EML6: variants seen among roughly 807,000 people sequenced by gnomAD.
The protein encoded by EML6 is echinoderm microtubule-associated protein-like 6.
EML6 carries 154 observed loss-of-function variants against 240.1 expected under a neutral mutation model. The ratio of observed to expected loss-of-function variants is 0.64; its 90% CI spans 0.56 to 0.73. The LOEUF is 0.73. Among genes scored for constraint, EML6 ranks in the 30% least tolerant of loss-of-function variants. EML6 has a pLI of 0.00. For synonymous variants in EML6, 1,148 were observed against 899.0 expected (o/e 1.28, Z -4.95); for missense variants, 2,964 against 2,474.6 (o/e 1.20, Z -4.20).
chr2:54,819,345 G>A (rs1356860371), intron 4 of EML6, among the ~76,000 whole-genome samples: 2 of 152,124 alleles, frequency 1.3e-5, no homozygotes, highest in Non-Finnish European at 2.9e-5. Flanking sequence ...CACTAAATGA[G>A]AGCATCTCAG....
At chr2:54,898,925 GTTA>G (rs1191376202) in intron 21 of EML6, among the ~76,000 whole-genome samples, 5 of 152,120 alleles carry the variant, frequency 3.3e-5, no homozygotes, top group East Asian at 3.8e-4. Context: ...CTTTCTCTTA[GTTA>G]TTATTCTAAG....
chr2:54,848,767 A>G (rs1159215561), intron 9 of EML6, among the ~76,000 whole-genome samples: 1 of 152,200 alleles, frequency 6.6e-6, no homozygotes, highest in Non-Finnish European at 1.5e-5. Flanking sequence ...AACCCCAGTG[A>G]GCTTTCCAGT....
chr2:54,857,633 G>A (rs910533024), intron 11 of EML6, among the ~76,000 whole-genome samples: 6 of 152,162 alleles, frequency 3.9e-5, no homozygotes, highest in Non-Finnish European at 8.8e-5. Context: ...GCTGGAATTG[G>A]GCAGTGCAGT....
At chr2:54,752,483 A>G (rs758330275) in intron 2 of EML6, among the ~76,000 whole-genome samples, 1 of 152,180 alleles carries the variant, frequency 6.6e-6, no homozygotes, top group Non-Finnish European at 1.5e-5. Flanking sequence ...GATAACCACT[A>G]TTCTGACTCC....
At chr2:54,892,806 G>A (rs897446843) in intron 19 of EML6, 150 bp downstream of exon 19, 2 of 606,578 alleles carry the variant, frequency 3.3e-6, no homozygotes, top group African/African-American at 1.9e-5. Context: ...GAGACAATAG[G>A]GAGGAAAGCA....
chr2:54,946,780 C>T (rs567439751), intron 28 of EML6, among the ~76,000 whole-genome samples: 3 of 152,226 alleles, frequency 2.0e-5, no homozygotes, highest in South Asian at 4.1e-4. Flanking sequence ...ACTTAAAATC[C>T]GCTGAATTTG....
intron 28 of EML6, among the ~76,000 whole-genome samples, chr2:54,946,874 A>G (rs1675719120): frequency 6.6e-6 from 1 of 152,082 alleles, no homozygotes; most frequent in Non-Finnish European, 1.5e-5. Flanking sequence ...GCGAAATGAG[A>G]AAGAAACATT....
intron 28 of EML6, among the ~76,000 whole-genome samples, chr2:54,943,737 G>T (rs939086107): frequency 1.2e-4 from 18 of 152,134 alleles, no homozygotes; most frequent in Non-Finnish European, 1.6e-4. Context: ...AAAAAGTTGA[G>T]ATGGTGACAT....
intron 30 of EML6, 60 bp downstream of exon 30, chr2:54,950,839 A>C: frequency 6.7e-7 from 1 of 1,498,578 alleles, no homozygotes; most frequent in Non-Finnish European, 9.0e-7. Context: ...TGCTTTCCCC[A>C]CTCTTTAGAT....
At chr2:54,942,592 C>G (rs866745011) in intron 28 of EML6, among the ~76,000 whole-genome samples, 8 of 152,134 alleles carry the variant, frequency 5.3e-5, no homozygotes, top group Non-Finnish European at 7.4e-5. Flanking sequence ...TTGGCGTGCT[C>G]TTTACCCGAC....
intron 2 of EML6, among the ~76,000 whole-genome samples, chr2:54,783,282 C>T (rs1173138962): frequency 2.0e-5 from 3 of 151,840 alleles, no homozygotes; most frequent in Non-Finnish European, 4.4e-5. Context: ...TTTTATTGTT[C>T]TGGATATAAC....
chr2:54,812,285 C>G (rs1375376491), intron 2 of EML6, among the ~76,000 whole-genome samples: 3 of 150,510 alleles, frequency 2.0e-5, no homozygotes, highest in African/African-American at 7.4e-5. Flanking sequence ...TGTCTGATAT[C>G]AGAACATATA....
At chr2:54,828,296 T>C (rs1240360658) in intron 6 of EML6, among the ~76,000 whole-genome samples, 1 of 152,214 alleles carries the variant, frequency 6.6e-6, no homozygotes, top group African/African-American at 2.4e-5. Context: ...TAACTACATA[T>C]CTTCTGATGG....
At chr2:54,789,814 C>T (rs563801749) in intron 2 of EML6, among the ~76,000 whole-genome samples, 137 of 152,254 alleles carry the variant, frequency 9.0e-4, no homozygotes, top group African/African-American at 3.2e-3. Context: ...AGAGTTAACT[C>T]CAGCACACAT....
chr2:54,914,309 A>G (rs999367400), intron 25 of EML6, among the ~76,000 whole-genome samples: 6 of 152,206 alleles, frequency 3.9e-5, no homozygotes, highest in Non-Finnish European at 5.9e-5. Flanking sequence ...GTGTGACTCC[A>G]TGGCCTACAC....
At chr2:54,901,239 A>G (rs1573105453) in intron 22 of EML6, among the ~76,000 whole-genome samples, 1 of 152,322 alleles carries the variant, frequency 6.6e-6, no homozygotes, top group Non-Finnish European at 1.5e-5. Flanking sequence ...AAACCCATGC[A>G]GTGTGACTGT....
At chr2:54,969,051 A>G (rs373884441) in intron 41 of EML6, among the ~76,000 whole-genome samples, 4 of 152,170 alleles carry the variant, frequency 2.6e-5, no homozygotes, top group African/African-American at 9.7e-5. Flanking sequence ...GGACAGGTGG[A>G]TGACACCCGA....
chr2:54,914,109 G>A lies in EML6; in HGVS notation c.3499-2650G>A, dbSNP rs571615213. ...CGATACCTCTGGCTTTGTTCTTTTT[G>A]CCTAGAAATGCTTTGACTATTCAGC... On this transcript the variant is annotated intron_variant, in intron 25 of 41. Coordinates refer to ENST00000356458, the MANE Select transcript of EML6 (RefSeq NM_001039753.4). Among the ~76,000 whole-genome samples the A allele has an allele frequency of 3.3e-5, 5 of 152,118 alleles. No homozygotes were observed. In the East Asian group the frequency reaches 5.8e-4, roughly 18 times the overall value.
At chr2:54,778,654 C>T (rs1032539104) in intron 2 of EML6, among the ~76,000 whole-genome samples, 6 of 151,822 alleles carry the variant, frequency 4.0e-5, no homozygotes, top group Admixed American at 1.3e-4. Context: ...TTTGGGAGGC[C>T]GAGACGGGCA....
Sources: allele counts gnomAD v4.1 joint callset (sites outside exome capture counted in the v4.1 genomes callset), GRCh38; gene constraint gnomAD v4.1.1; transcripts MANE v1.5; gene names NCBI Gene and HGNC (gene_info 2026-07-23, HGNC 2026-07-21).